Variants in DAPK2 observed in about 807,000 individuals in gnomAD.
The protein encoded by DAPK2 is death-associated protein kinase 2.
Under a neutral mutation model 44.1 loss-of-function variants are expected in DAPK2, and 35 were observed. The ratio of observed to expected loss-of-function variants is 0.79; its 90% CI spans 0.61 to 1.05. The LOEUF (loss-of-function observed/expected upper bound fraction) is 1.05. Ranked by LOEUF, DAPK2 falls within the 50% of genes least tolerant of loss-of-function variation. DAPK2 has a pLI of 0.00. For synonymous variants in DAPK2, 174 were observed against 182.6 expected, an observed-to-expected ratio of 0.95 and a Z score of 0.38; for missense variants, 453 against 483.2, an observed-to-expected ratio of 0.94 and a Z score of 0.59.
intron 8 of DAPK2, chr15:63,922,905 C>T: frequency 3.3e-6 from 5 of 1,535,918 alleles, no homozygotes; most frequent in Non-Finnish European, 4.4e-6. Flanking sequence ...GCGGAGAGCT[C>T]CTGCCTCAGA....
intron 1 of DAPK2, chr15:63,991,494 T>C (rs2078817356): frequency 2.7e-6 from 1 of 364,416 alleles, no homozygotes; most frequent in Admixed American, 3.6e-5. Context: ...GCTTTGAAAT[T>C]TGAGGTGTGG....
At chr15:64,008,930 G>A (rs1477064954) in intron 1 of DAPK2, among the ~76,000 whole-genome samples, 1 of 152,136 alleles carries the variant, frequency 6.6e-6, no homozygotes, top group African/African-American at 2.4e-5. Flanking sequence ...GACAGGGGAG[G>A]AAAGGGTAGG....
At chr15:64,010,021 T>C (rs759329958) in intron 1 of DAPK2, among the ~76,000 whole-genome samples, 6 of 152,218 alleles carry the variant, frequency 3.9e-5, no homozygotes, top group Admixed American at 2.0e-4. Context: ...TGTAAACCTA[T>C]GCCACTGAAA....
At chr15:63,946,690 TA>T (rs1256967169) in intron 3 of DAPK2, among the ~76,000 whole-genome samples, 3 of 152,124 alleles carry the variant, frequency 2.0e-5, no homozygotes, top group Non-Finnish European at 4.4e-5. Flanking sequence ...ATCAAGAAAC[TA>T]CCAAGGTCAC....
At chr15:64,002,950 G>GTGTCGTGGGACC (rs2079124180) in intron 1 of DAPK2, among the ~76,000 whole-genome samples, 2 of 134,604 alleles carry the variant, frequency 1.5e-5, no homozygotes, top group African/African-American at 2.8e-5. Context: ...GTGTGTGTGT[G>GTGTCGTGGGACC]TGTGTGTGTG....
At chr15:63,957,406 C>T (rs768727549) in intron 3 of DAPK2, among the ~76,000 whole-genome samples, 2 of 151,826 alleles carry the variant, frequency 1.3e-5, no homozygotes, top group African/African-American at 2.4e-5. Context: ...GGGCACAACG[C>T]GCAGGTTTGT....
intron 2 of DAPK2, among the ~76,000 whole-genome samples, chr15:63,979,861 G>A (rs2078454058): frequency 6.6e-6 from 1 of 152,114 alleles, no homozygotes; most frequent in Non-Finnish European, 1.5e-5. Context: ...ATTGCAGTGA[G>A]CCGAGATCAC....
chr15:63,922,732 C>A lies in DAPK2; in HGVS notation c.858+2084G>T, dbSNP rs751258210. The A allele has an allele frequency of 1.8e-5, 27 of 1,511,184 alleles. No homozygotes were observed. In the Middle Eastern group the frequency reaches 5.2e-4, roughly 29 times the overall value. The allele number at this position is 1,511,184 out of a possible 1,614,324, so 93.6% of individuals were successfully genotyped here. On this transcript the variant is annotated intron_variant, in intron 8 of 10. Transcript: ENST00000261891. Reference sequence around the variant, plus strand: ...GGATGCATCACTGACTGGATTCTGGCGATTAGAGCTTCCAGCCTGCCAGAA... The same window carrying A: ...GGATGCATCACTGACTGGATTCTGGAGATTAGAGCTTCCAGCCTGCCAGAA...
intron 1 of DAPK2, among the ~76,000 whole-genome samples, chr15:64,004,412 A>G (rs2079174039): frequency 6.6e-6 from 1 of 152,172 alleles, no homozygotes; most frequent in Non-Finnish European, 1.5e-5. Flanking sequence ...CTGATGATCA[A>G]TGCCTAGATC....
At chr15:63,915,567 A>G (rs1318697084) in intron 8 of DAPK2, among the ~76,000 whole-genome samples, 1 of 152,228 alleles carries the variant, frequency 6.6e-6, no homozygotes, top group African/African-American at 2.4e-5. Flanking sequence ...TGGAAGGTCA[A>G]CTTGCAGGTG....
At chr15:63,924,926 T>C in intron 7 of DAPK2, 65 bp from the exon 9 acceptor site, 1 of 1,561,720 alleles carries the variant, frequency 6.4e-7, no homozygotes, top group East Asian at 2.3e-5. Flanking sequence ...ACCATCTCCG[T>C]TCTCACTCTT....
At chr15:63,976,927 G>T (rs912751294) in intron 2 of DAPK2, among the ~76,000 whole-genome samples, 1 of 152,154 alleles carries the variant, frequency 6.6e-6, no homozygotes, top group African/African-American at 2.4e-5. Flanking sequence ...CTATTGGACA[G>T]CGCCAATAGG....
intron 1 of DAPK2, among the ~76,000 whole-genome samples, chr15:63,994,016 G>A (rs935527377): frequency 2.6e-5 from 4 of 152,138 alleles, no homozygotes; most frequent in African/African-American, 9.7e-5. Flanking sequence ...GACAAAGGAG[G>A]ACCAGGGCTT....
intron 1 of DAPK2, among the ~76,000 whole-genome samples, chr15:63,984,764 A>G (rs892791115): frequency 2.0e-5 from 3 of 152,198 alleles, no homozygotes; most frequent in Non-Finnish European, 2.9e-5. Context: ...CAGACTCCAG[A>G]CTTAAGAGGT....
chr15:63,972,462 A>C (rs1270740875), intron 2 of DAPK2, among the ~76,000 whole-genome samples: 1 of 152,220 alleles, frequency 6.6e-6, no homozygotes, highest in Non-Finnish European at 1.5e-5. Context: ...GTGGCCATCA[A>C]CAAAATATTT....
At chr15:63,970,070 C>T (rs61668318) in intron 3 of DAPK2, among the ~76,000 whole-genome samples, 9,156 of 152,304 alleles carry the variant, frequency 0.06, 300 homozygotes, top group African/African-American at 0.09. Context: ...TAGATTATTG[C>T]TTTAGCCTCC....
intron 3 of DAPK2, among the ~76,000 whole-genome samples, chr15:63,956,098 G>T (rs1346089948): frequency 6.6e-6 from 1 of 152,184 alleles, no homozygotes; most frequent in Admixed American, 6.5e-5. Flanking sequence ...GTTGCTCACA[G>T]TAGCCACTAA....
chr15:64,017,949 C>T (rs2079575321), intron 1 of DAPK2, among the ~76,000 whole-genome samples: 1 of 152,142 alleles, frequency 6.6e-6, no homozygotes, highest in Admixed American at 6.6e-5. Context: ...ATGCCTTTGC[C>T]AGGAGACCAA....
intron 3 of DAPK2, among the ~76,000 whole-genome samples, chr15:63,942,804 G>T (rs1191314167): frequency 6.6e-6 from 1 of 151,812 alleles, no homozygotes. Context: ...CTCTCTCCCT[G>T]CCTACCACCC....
Sources: allele counts gnomAD v4.1 joint callset (sites outside exome capture counted in the v4.1 genomes callset), GRCh38; gene constraint gnomAD v4.1.1; transcripts MANE v1.5; gene names NCBI Gene and HGNC (gene_info 2026-07-23, HGNC 2026-07-21).